CCDC148: variants seen among roughly 807,000 people sequenced by gnomAD.
CCDC148 encodes the protein coiled-coil domain containing 148, also known as coiled-coil domain-containing protein 148.
In CCDC148, 89 loss-of-function variants were observed where a neutral mutation model predicts 85.7. That is an observed-to-expected ratio of 1.04 (90% CI 0.87 to 1.24). The LOEUF is 1.24. Ranked by LOEUF, CCDC148 falls within the 50% of genes most tolerant of loss-of-function variation. The pLI is 0.00. For synonymous variants in CCDC148, 230 were observed against 213.9 expected (o/e 1.08, Z -0.66); for missense variants, 692 against 671.7 (o/e 1.03, Z -0.33).
intron 10 of CCDC148, among the ~76,000 whole-genome samples, chr2:158,224,286 A>G (rs781583428): frequency 9.2e-5 from 14 of 152,226 alleles, no homozygotes; most frequent in Non-Finnish European, 1.6e-4. Context: ...AAATAAATGA[A>G]CAAAGCCTCC....
rs754200129 is a variant in CCDC148, at chr2:158,331,429, AC to A, written c.764+7296del. 8.5e-5 allele frequency among the ~76,000 whole-genome samples: 13 copies of A among 152,318 alleles called. 2 individuals are homozygous for A. The highest frequency in any genetic ancestry group is 6.5e-4 in the Admixed American group (10 of 15,300). On this transcript the variant is annotated intron_variant, in intron 7 of 13. Transcript: ENST00000283233. ...GCTGAGGAGTGCTTTACTTCCAACT[AC>A]GTGGTCAATTTTGGAATAAGTGTGG...
chr2:158,422,774 G>C (rs1686865174), intron 1 of CCDC148, among the ~76,000 whole-genome samples: 1 of 151,972 alleles, frequency 6.6e-6, no homozygotes, highest in Admixed American at 6.6e-5. Flanking sequence ...TATTCAGTTA[G>C]GAAAAGAGGA....
intron 9 of CCDC148, among the ~76,000 whole-genome samples, chr2:158,257,482 G>A (rs190174147): frequency 2.3e-3 from 346 of 151,332 alleles, no homozygotes; most frequent in Non-Finnish European, 4.4e-3. Flanking sequence ...TATATATTTC[G>A]TTTATGTTTA....
At chr2:158,362,411 C>A (rs942265963) in intron 1 of CCDC148, among the ~76,000 whole-genome samples, 3 of 152,112 alleles carry the variant, frequency 2.0e-5, no homozygotes, top group African/African-American at 7.2e-5. Context: ...AAATTGACCA[C>A]AAAGTTGGAA....
intron 9 of CCDC148, among the ~76,000 whole-genome samples, chr2:158,303,134 C>G (rs1691525481): frequency 1.3e-5 from 2 of 152,132 alleles, no homozygotes; most frequent in African/African-American, 4.8e-5. Context: ...TAAATTACCC[C>G]CCAAAAGCCC....
chr2:158,357,267 A>G (rs1683706124), intron 2 of CCDC148, among the ~76,000 whole-genome samples: 3 of 151,880 alleles, frequency 2.0e-5, no homozygotes, highest in Non-Finnish European at 2.9e-5. Context: ...AAAATAACAT[A>G]GCCTGGGTGG....
intron 1 of CCDC148, among the ~76,000 whole-genome samples, chr2:158,421,623 A>G (rs1264978450): frequency 6.6e-6 from 1 of 152,212 alleles, no homozygotes; most frequent in African/African-American, 2.4e-5. Context: ...CTAAATGCCC[A>G]CAAGAGAAAG....
chr2:158,428,138 G>A (rs967263415), intron 1 of CCDC148, among the ~76,000 whole-genome samples: 1 of 152,160 alleles, frequency 6.6e-6, no homozygotes, highest in Non-Finnish European at 1.5e-5. Flanking sequence ...AGATTTGGGT[G>A]GAGGATTAGA....
chr2:158,306,854 A>T (rs1691714635), intron 9 of CCDC148, among the ~76,000 whole-genome samples: 1 of 151,564 alleles, frequency 6.6e-6, no homozygotes. Flanking sequence ...ACTAAAAAAA[A>T]AAAATTACAA....
At position 158,313,281 on chromosome 2, in the gene CCDC148, CAG is replaced by C. The variant is rs141130738; in HGVS notation, c.903+473_903+474del. Among the ~76,000 whole-genome samples, 669 of 152,252 alleles carry C rather than the reference CAG, an allele frequency of 4.4e-3. 4 individuals are homozygous for C. The highest frequency in any genetic ancestry group is 0.015 in the African/African-American group (621 of 41,558). On this transcript the variant is annotated intron_variant, in intron 8 of 13. Transcript: ENST00000283233. Reference sequence around the variant, plus strand: ...TTCAGATCCAACTAGGAGGATCAAGCAGAGTTGTTGTGGTGGGGAAGAGATAA... The same window carrying C: ...TTCAGATCCAACTAGGAGGATCAAGCAGTTGTTGTGGTGGGGAAGAGATAA...
chr2:158,365,488 A>T (rs918874050), intron 1 of CCDC148, among the ~76,000 whole-genome samples: 4 of 152,114 alleles, frequency 2.6e-5, no homozygotes, highest in Non-Finnish European at 4.4e-5. Context: ...AAAAAAGGAT[A>T]AGTTCATGTC....
intron 3 of CCDC148, among the ~76,000 whole-genome samples, chr2:158,344,793 A>G: frequency 6.6e-6 from 1 of 152,178 alleles, no homozygotes; most frequent in East Asian, 1.9e-4. Flanking sequence ...TCCATGTATT[A>G]AAAGCATTTA....
intron 1 of CCDC148, among the ~76,000 whole-genome samples, chr2:158,434,739 G>A (rs935442260): frequency 6.6e-6 from 1 of 152,158 alleles, no homozygotes; most frequent in African/African-American, 2.4e-5. Context: ...AAAAAGATGA[G>A]ACGAATGGCT....
intron 10 of CCDC148, among the ~76,000 whole-genome samples, chr2:158,250,431 C>T (rs556142153): frequency 6.6e-6 from 1 of 151,830 alleles, no homozygotes; most frequent in Non-Finnish European, 1.5e-5. Flanking sequence ...TCAACCAAGA[C>T]ACTATCCCAG....
intron 9 of CCDC148, among the ~76,000 whole-genome samples, chr2:158,252,142 A>G (rs1019672008): frequency 6.6e-6 from 1 of 151,838 alleles, no homozygotes; most frequent in African/African-American, 2.4e-5. Flanking sequence ...TATAAGCATC[A>G]TTTATTAATG....
chr2:158,440,344 A>C (rs148827304), intron 1 of CCDC148, among the ~76,000 whole-genome samples: 81 of 152,300 alleles, frequency 5.3e-4, no homozygotes, highest in African/African-American at 1.8e-3. Flanking sequence ...ATATCAAGCG[A>C]AACAATGTAC....
chr2:158,427,157 A>C (rs1467492390), intron 1 of CCDC148, among the ~76,000 whole-genome samples: 1 of 152,238 alleles, frequency 6.6e-6, no homozygotes, highest in East Asian at 1.9e-4. Context: ...TATAAGCCTC[A>C]TTTTAAAAGG....
At chr2:158,243,152 A>G (rs1412630884) in intron 10 of CCDC148, among the ~76,000 whole-genome samples, 1 of 152,018 alleles carries the variant, frequency 6.6e-6, no homozygotes, top group Non-Finnish European at 1.5e-5. Flanking sequence ...GCTCTTTCTG[A>G]GCCTAGAGAG....
chr2:158,431,482 G>GTT (rs140221541), intron 1 of CCDC148, among the ~76,000 whole-genome samples: 7 of 138,010 alleles, frequency 5.1e-5, no homozygotes, highest in South Asian at 2.3e-4. Flanking sequence ...TAAAAAAGGT[G>GTT]TTTTTTAAAA....
Sources: gnomAD v4.1 joint callset for allele counts (sites outside exome capture counted in the v4.1 genomes callset) on GRCh38, gnomAD v4.1.1 for gene constraint, MANE v1.5 for transcripts, NCBI Gene and HGNC (gene_info 2026-07-23, HGNC 2026-07-21) for gene names.